Variants in GTF2F2 observed in about 807,000 individuals in gnomAD.
GTF2F2 encodes the protein general transcription factor IIF subunit 2.
Under a neutral mutation model 42.2 loss-of-function variants are expected in GTF2F2, and 23 were observed. That is an observed-to-expected ratio of 0.55 (90% CI 0.39 to 0.77). The LOEUF (loss-of-function observed/expected upper bound fraction) is 0.77. GTF2F2 is among the 30% of genes least tolerant of loss of function. The probability of loss-of-function intolerance (pLI) is 0.00; values close to 1 mark genes in which losing one functional copy is unlikely to be tolerated. For missense variants in GTF2F2, 261 were observed against 287.2 expected, an observed-to-expected ratio of 0.91 and a Z score of 0.66; for synonymous variants, 105 against 100.8, an observed-to-expected ratio of 1.04 and a Z score of -0.25.
intron 7 of GTF2F2, among the ~76,000 whole-genome samples, chr13:45,277,439 A>C (rs1010679646): frequency 2.0e-5 from 3 of 152,180 alleles, no homozygotes; most frequent in Admixed American, 2.0e-4. Flanking sequence ...GAACTCACTC[A>C]CTATCTCGAG....
Position 45,283,422 on chromosome 13 carries a change from G to A in GTF2F2, c.631-20G>A, listed in dbSNP as rs1452179786. The A allele has an allele frequency of 4.4e-6, 7 of 1,596,572 alleles. No individual in the cohort carries two copies. Among genetic ancestry groups the A allele is most frequent in the Admixed American group, 1.7e-5 (1 of 57,436 alleles). On this transcript the variant is annotated intron_variant, in intron 7 of 7. Transcript: ENST00000340473. ...CTGCATTTATAATCTCATTTGTTAG[G>A]GGTTTTGTTTTTGTTTTAGGTGTAC...
chr13:45,141,452 A>G (rs1220541484), intron 2 of GTF2F2, among the ~76,000 whole-genome samples: 1 of 152,120 alleles, frequency 6.6e-6, no homozygotes, highest in Non-Finnish European at 1.5e-5. Flanking sequence ...GTGTTTCCCT[A>G]TGCAATTATT....
At chr13:45,126,533 A>G (rs1460553271) in intron 1 of GTF2F2, among the ~76,000 whole-genome samples, 1 of 152,178 alleles carries the variant, frequency 6.6e-6, no homozygotes, top group Non-Finnish European at 1.5e-5. Context: ...TACAGGCGTA[A>G]GCCACTGTGC....
intron 7 of GTF2F2, among the ~76,000 whole-genome samples, chr13:45,276,315 T>G (rs1877033154): frequency 6.6e-6 from 1 of 152,240 alleles, no homozygotes; most frequent in African/African-American, 2.4e-5. Flanking sequence ...GGGACTATTA[T>G]GAATAAGGCT....
chr13:45,127,703 G>GCTCA (rs1221416584), intron 1 of GTF2F2, among the ~76,000 whole-genome samples: 1 of 151,844 alleles, frequency 6.6e-6, no homozygotes, highest in African/African-American at 2.4e-5. Flanking sequence ...CACGATCTTG[G>GCTCA]CTCACTACAA....
At chr13:45,241,125 A>G (rs926237729) in intron 5 of GTF2F2, among the ~76,000 whole-genome samples, 8 of 151,244 alleles carry the variant, frequency 5.3e-5, no homozygotes, top group Non-Finnish European at 1.0e-4. Context: ...AGACCACTGC[A>G]CTCTCCAACC....
Position 45,151,668 on chromosome 13 carries a change from T to C in GTF2F2, c.160-19T>C. 1 of 1,541,580 alleles carries C rather than the reference T, an allele frequency of 6.5e-7. No homozygotes were observed. The highest frequency in any genetic ancestry group is 8.9e-7 in the Non-Finnish European group (1 of 1,119,286). On this transcript the variant is annotated intron_variant, in intron 3 of 7. Coordinates refer to ENST00000340473, the MANE Select transcript of GTF2F2 (RefSeq NM_004128.3). The stretch of plus-strand genomic sequence containing the variant: ...GAATACAGAAGTCTGTTATAATCTC[T>C]GGTTAATGTGTCTATTAGGTGTCAT...
chr13:45,273,715 C>T (rs1487777215), intron 7 of GTF2F2, among the ~76,000 whole-genome samples: 7 of 138,968 alleles, frequency 5.0e-5, no homozygotes, highest in Non-Finnish European at 9.0e-5. Flanking sequence ...AGTGCAATGG[C>T]GCGATCTCGG....
chr13:45,225,472 C>T (rs890875951), intron 5 of GTF2F2, among the ~76,000 whole-genome samples: 2 of 151,588 alleles, frequency 1.3e-5, no homozygotes, highest in African/African-American at 4.9e-5. Flanking sequence ...GCCTGTTGGC[C>T]GGGCATCATG....
At chr13:45,248,071 C>T (rs1875719877) in intron 5 of GTF2F2, among the ~76,000 whole-genome samples, 1 of 152,148 alleles carries the variant, frequency 6.6e-6, no homozygotes, top group Non-Finnish European at 1.5e-5. Flanking sequence ...TCTCGAACTC[C>T]TGACCTCATG....
chr13:45,279,119 G>A (rs934889977), intron 7 of GTF2F2, among the ~76,000 whole-genome samples: 1 of 152,022 alleles, frequency 6.6e-6, no homozygotes, highest in African/African-American at 2.4e-5. Flanking sequence ...CATCACACCC[G>A]GCGTAATATG....
chr13:45,267,724 C>T (rs978528449), intron 7 of GTF2F2, among the ~76,000 whole-genome samples: 4 of 151,740 alleles, frequency 2.6e-5, no homozygotes, highest in Non-Finnish European at 5.9e-5. Context: ...AAACATGCCT[C>T]ATAGAAAAAT....
chr13:45,144,259 A>C (rs1344579690), intron 2 of GTF2F2, among the ~76,000 whole-genome samples: 1 of 151,860 alleles, frequency 6.6e-6, no homozygotes, highest in African/African-American at 2.4e-5. Flanking sequence ...GTCTCAAAAA[A>C]AAAATTAGTT....
intron 4 of GTF2F2, among the ~76,000 whole-genome samples, chr13:45,166,370 T>C (rs1423391716): frequency 6.6e-6 from 1 of 152,222 alleles, no homozygotes; most frequent in African/African-American, 2.4e-5. Context: ...CTGGTGAAGA[T>C]GCACTTCGTC....
rs546319153 is a variant in GTF2F2 at position 45,126,564 on chromosome 13, C to T, written c.66+5843C>T. On this transcript the variant is annotated intron_variant, in intron 1 of 7. Transcript: ENST00000340473. Reference sequence around the variant, plus strand: ...TGTGCCCAGCGACAAGAACCACTTTCTTATGCTGCCCAGTTTGAGTGAATG... The same window carrying T: ...TGTGCCCAGCGACAAGAACCACTTTTTTATGCTGCCCAGTTTGAGTGAATG... Among the ~76,000 whole-genome samples the T allele has an allele frequency of 8.5e-5, 13 of 152,294 alleles. No individual in the cohort carries two copies. The South Asian group carries it at 2.7e-3, about 32-fold the overall frequency.
chr13:45,134,036 A>T lies in GTF2F2; in HGVS notation c.67-2697A>T, dbSNP rs138960140. On this transcript the variant is annotated intron_variant, in intron 1 of 7. Transcript: ENST00000340473. ...GCTTGAAATACAGATTATGAAGGGG[A>T]TACTGTTGTTGAGAATGAGAAGTTC... Among the ~76,000 whole-genome samples the T allele has an allele frequency of 2.9e-3, 449 of 152,270 alleles. 1 individual carries two copies. Among genetic ancestry groups the T allele is most frequent in the Non-Finnish European group, 4.9e-3 (334 of 68,020 alleles).
At chr13:45,219,116 T>C (rs893018950) in intron 5 of GTF2F2, among the ~76,000 whole-genome samples, 1 of 152,154 alleles carries the variant, frequency 6.6e-6, no homozygotes, top group African/African-American at 2.4e-5. Context: ...CCCTCACTTT[T>C]ATATGGCTTC....
intron 4 of GTF2F2, among the ~76,000 whole-genome samples, chr13:45,178,902 G>T (rs1872014843): frequency 6.6e-6 from 1 of 152,208 alleles, no homozygotes; most frequent in Non-Finnish European, 1.5e-5. Flanking sequence ...CTAGGGTGCA[G>T]TGTCCAGGAC....
intron 7 of GTF2F2, among the ~76,000 whole-genome samples, chr13:45,268,641 G>A (rs1876665449): frequency 6.6e-6 from 1 of 151,930 alleles, no homozygotes; most frequent in African/African-American, 2.4e-5. Context: ...TAGCTAAGCT[G>A]TGTTTCTTCT....
Sources: gnomAD v4.1 joint callset for allele counts (sites outside exome capture counted in the v4.1 genomes callset) on GRCh38, gnomAD v4.1.1 for gene constraint, MANE v1.5 for transcripts, NCBI Gene and HGNC (gene_info 2026-07-23, HGNC 2026-07-21) for gene names.